Variants in LENG1 observed in about 807,000 individuals in gnomAD.
LENG1 encodes the protein leukocyte receptor cluster member 1, also known as leukocyte receptor cluster (LRC) member 1.
Under a neutral mutation model 28.8 loss-of-function variants are expected in LENG1, and 35 were observed. The observed-to-expected ratio is 1.22, with a 90% CI of 0.93 to 1.61. LENG1 has a LOEUF of 1.61. LENG1 is among the 40% of genes most tolerant of loss of function. The probability of loss-of-function intolerance (pLI) is 0.00; values close to 1 mark genes in which losing one functional copy is unlikely to be tolerated. For synonymous variants in LENG1, 170 were observed against 140.6 expected (o/e 1.21, Z -1.48); for missense variants, 404 against 348.9 (o/e 1.16, Z -1.26).
Position 54,156,889 on chromosome 19 carries a change from A to T in LENG1, c.449T>A (p.Ile150Asn). ...CCGCAGAGGGTCCAGACGGCTCTTG[A>T]TCTTCTCATCTGGGGCTGGGCCGGG... Reference protein sequence around the residue: ...PPPGPAPDEKIKSRLDPLREM... With the variant: ...PPPGPAPDEKNKSRLDPLREM... Residue 150 changes from isoleucine to asparagine, a missense_variant, in exon 3 of 4, where the codon ATC (isoleucine) becomes AAC (asparagine). Coordinates refer to ENST00000222224, the MANE Select transcript of LENG1 (RefSeq NM_024316.3). The T allele has an allele frequency of 1.4e-6, 2 of 1,452,734 alleles. No individual in the cohort carries two copies. Among genetic ancestry groups the T allele is most frequent in the Non-Finnish European group, 1.9e-6 (2 of 1,049,878 alleles). 90.0% of individuals were successfully genotyped at this position (1,452,734 alleles called of 1,614,324 possible).
Position 54,155,861 on chromosome 19 carries a change from C to CCAGCAGGGCCTCTGCCCGAGACCTCT in LENG1, c.629_654dup (p.Ala219ArgfsTer58). 1 of 1,612,966 alleles carries CCAGCAGGGCCTCTGCCCGAGACCTCT rather than the reference C, an allele frequency of 6.2e-7. No homozygotes were observed. Among genetic ancestry groups the CCAGCAGGGCCTCTGCCCGAGACCTCT allele is most frequent in the South Asian group, 1.1e-5 (1 of 90,870 alleles). ...TGTAGTGCCCGGCCTTGGACCCGGG[C>CCAGCAGGGCCTCTGCCCGAGACCTCT]CAGCAGGGCCTCTGCCCGAGACCTC... On this transcript the variant is annotated frameshift_variant, in exon 4 of 4. Transcript: ENST00000222224. LOFTEE classifies it high-confidence loss of function.
Sources: allele counts gnomAD v4.1 joint callset, GRCh38; gene constraint gnomAD v4.1.1; transcripts MANE v1.5; gene names NCBI Gene and HGNC (gene_info 2026-07-23, HGNC 2026-07-21).